The following ARFGEF3 variants were observed in gnomAD, a reference collection of about 807,000 sequenced individuals.
ARFGEF3 encodes the protein ARFGEF family member 3.
In ARFGEF3, 96 loss-of-function variants were observed where a neutral mutation model predicts 221.7. The observed-to-expected ratio is 0.43, with a 90% CI of 0.37 to 0.51. The LOEUF is 0.51. ARFGEF3 is among the 20% of genes least tolerant of loss of function. The pLI is 0.00. For missense variants in ARFGEF3, 2,410 were observed against 2,789.9 expected, an observed-to-expected ratio of 0.86 and a Z score of 3.07; for synonymous variants, 1,145 against 1,126.8, an observed-to-expected ratio of 1.02 and a Z score of -0.32.
intron 5 of ARFGEF3, 88 bp downstream of exon 5, chr6:138,229,940 C>T: frequency 1.9e-6 from 2 of 1,064,530 alleles, no homozygotes; most frequent in South Asian, 1.3e-5. Context: ...AGCCCCAGCA[C>T]TGGAGTGAAT....
At chr6:138,264,851 G>GA (rs1778857357) in intron 12 of ARFGEF3, among the ~76,000 whole-genome samples, 1 of 149,602 alleles carries the variant, frequency 6.7e-6, no homozygotes, top group Non-Finnish European at 1.5e-5. Flanking sequence ...AAGAGGACAA[G>GA]AAAAAGACAC....
intron 5 of ARFGEF3, among the ~76,000 whole-genome samples, chr6:138,233,721 A>G (rs1778234924): frequency 6.6e-6 from 1 of 152,126 alleles, no homozygotes; most frequent in South Asian, 2.1e-4. Flanking sequence ...TCTGAGACAT[A>G]CCTGAAATAA....
intron 2 of ARFGEF3, among the ~76,000 whole-genome samples, chr6:138,199,474 G>T (rs371058185): frequency 6.6e-6 from 1 of 152,128 alleles, no homozygotes; most frequent in Admixed American, 6.5e-5. Context: ...CTTAAAGTTC[G>T]CATTTTCCCA....
intron 8 of ARFGEF3, among the ~76,000 whole-genome samples, chr6:138,248,448 A>G (rs555172896): frequency 6.6e-6 from 1 of 152,320 alleles, no homozygotes; most frequent in South Asian, 2.1e-4. Context: ...AACTACAAAA[A>G]ATATAAAGAC....
chr6:138,331,249 G>C (rs1473265796), intron 32 of ARFGEF3, among the ~76,000 whole-genome samples: 3 of 145,644 alleles, frequency 2.1e-5, no homozygotes, highest in African/African-American at 8.4e-5. Context: ...CTGCAGTTAA[G>C]CAAAACAAAA....
chr6:138,224,619 T>A (rs1389575257), intron 4 of ARFGEF3, among the ~76,000 whole-genome samples: 1 of 152,252 alleles, frequency 6.6e-6, no homozygotes, highest in Non-Finnish European at 1.5e-5. Context: ...ATAGAAGGTA[T>A]TGAGCATGGG....
chr6:138,231,688 G>A (rs1395655678), intron 5 of ARFGEF3, among the ~76,000 whole-genome samples: 4 of 152,200 alleles, frequency 2.6e-5, no homozygotes, highest in African/African-American at 9.6e-5. Flanking sequence ...GAAATGTAAA[G>A]AAGGAATCTA....
intron 29 of ARFGEF3, among the ~76,000 whole-genome samples, chr6:138,322,821 A>T (rs961077052): frequency 6.7e-6 from 1 of 150,110 alleles, no homozygotes; most frequent in East Asian, 2.0e-4. Context: ...AAAAAAAGGG[A>T]TTCTGTCATT....
At chr6:138,215,811 G>A (rs1262356436) in intron 4 of ARFGEF3, among the ~76,000 whole-genome samples, 3 of 150,714 alleles carry the variant, frequency 2.0e-5, no homozygotes, top group African/African-American at 2.5e-5. Context: ...GAATCTAAGT[G>A]TCTTTTCCAC....
At chr6:138,204,293 G>C (rs142195581) in intron 2 of ARFGEF3, among the ~76,000 whole-genome samples, 37 of 141,978 alleles carry the variant, frequency 2.6e-4, no homozygotes, top group African/African-American at 5.8e-4. Context: ...AGCCGAGATC[G>C]CGCCATTGCA....
chr6:138,234,380 A>T (rs1356734690), intron 5 of ARFGEF3, among the ~76,000 whole-genome samples: 1 of 152,202 alleles, frequency 6.6e-6, no homozygotes, highest in African/African-American at 2.4e-5. Flanking sequence ...TTGAGTTGAC[A>T]TCCAAAAGGA....
At chr6:138,218,496 C>T (rs1330022645) in intron 4 of ARFGEF3, 2 of 1,440,036 alleles carry the variant, frequency 1.4e-6, no homozygotes, top group African/African-American at 2.9e-5. Context: ...AAGGTCCTAA[C>T]CATCAGCCAT....
At chr6:138,218,548 C>CA in intron 4 of ARFGEF3, 1 of 1,288,422 alleles carries the variant, frequency 7.8e-7, no homozygotes. Flanking sequence ...TTAGCTGAGC[C>CA]AATGTTTCTG....
intron 27 of ARFGEF3, among the ~76,000 whole-genome samples, chr6:138,318,374 A>G (rs181254102): frequency 9.8e-5 from 15 of 152,334 alleles, no homozygotes; most frequent in Non-Finnish European, 1.8e-4. Flanking sequence ...TATCAATAAT[A>G]AAGACAAAAT....
At chr6:138,328,478 G>C (rs1562218037) in intron 32 of ARFGEF3, among the ~76,000 whole-genome samples, 2 of 152,084 alleles carry the variant, frequency 1.3e-5, no homozygotes, top group African/African-American at 4.8e-5. Context: ...TTCTTCCTGT[G>C]TCTTAACATG....
chr6:138,189,474 A>G (rs1248648137), intron 2 of ARFGEF3, among the ~76,000 whole-genome samples: 1 of 152,246 alleles, frequency 6.6e-6, no homozygotes, highest in East Asian at 1.9e-4. Flanking sequence ...CAAAAGTCAT[A>G]TGACCTAAAG....
At chr6:138,286,116 T>C in intron 15 of ARFGEF3, 63 bp downstream of exon 15, 2 of 998,302 alleles carry the variant, frequency 2.0e-6, no homozygotes, top group South Asian at 2.6e-5. Flanking sequence ...AGCAATTACA[T>C]TGTTATGTGG....
At chr6:138,299,413 T>A (rs1779588751) in intron 22 of ARFGEF3, among the ~76,000 whole-genome samples, 1 of 152,026 alleles carries the variant, frequency 6.6e-6, no homozygotes. Flanking sequence ...TGGCCTATAT[T>A]CCTAACTGCT....
chr6:138,279,973 C>G, intron 13 of ARFGEF3, 26 bp from the exon 14 acceptor site: 2 of 1,611,742 alleles, frequency 1.2e-6, no homozygotes, highest in South Asian at 2.2e-5. Flanking sequence ...GTTATGTGGT[C>G]ACCTTCTCAT....
Sources: allele counts gnomAD v4.1 joint callset (sites outside exome capture counted in the v4.1 genomes callset), GRCh38; gene constraint gnomAD v4.1.1; transcripts MANE v1.5; gene names NCBI Gene and HGNC (gene_info 2026-07-23, HGNC 2026-07-21).